Variants in MGAT4D observed in about 807,000 individuals in gnomAD.
MGAT4D encodes MGAT4 family member D, also known as alpha-1,3-mannosyl-glycoprotein 4-beta-N-acetylglucosaminyltransferase-like protein MGAT4D.
A neutral mutation model predicts 15.9 loss-of-function variants in MGAT4D; 34 were observed. The ratio of observed to expected loss-of-function variants is 2.14; its 90% CI spans 1.62 to 2.84. The LOEUF (loss-of-function observed/expected upper bound fraction) is 2.84. Among genes scored for constraint, MGAT4D ranks in the 30% most tolerant of loss-of-function variants. The pLI, the probability that MGAT4D is intolerant of heterozygous loss-of-function variation, is 0.00. For synonymous variants in MGAT4D, 112 were observed against 48.2 expected, an observed-to-expected ratio of 2.33 and a Z score of -5.49; for missense variants, 327 against 140.2, an observed-to-expected ratio of 2.33 and a Z score of -6.73.
chr4:140,483,659 TA>T (rs1204621021), intron 1 of MGAT4D, among the ~76,000 whole-genome samples: 4 of 152,020 alleles, frequency 2.6e-5, no homozygotes, highest in African/African-American at 7.2e-5. Context: ...ACTGGCATAA[TA>T]ACAGACACAT....
rs1394348575 is a variant in MGAT4D at position 140,443,438 on chromosome 4, A to G, written c.1123T>C (p.Ter375ArgextTer2). Reference sequence around the variant, plus strand: ...ACAGAGTTTCTTCTTATTTATCTTCATATTTTCTGAAATGAAAACAAAAAA... The same window carrying G: ...ACAGAGTTTCTTCTTATTTATCTTCGTATTTTCTGAAATGAAAACAAAAAA... ...PRKEQYEKKI[*>R] Residue 375 changes from the stop codon to arginine, a stop_lost, in exon 11 of 11, where the codon TGA becomes CGA. Coordinates refer to ENST00000511113, the MANE Select transcript of MGAT4D (RefSeq NM_001277353.2). The G allele has an allele frequency of 3.7e-6, 2 of 547,656 alleles. No homozygotes were observed. Among genetic ancestry groups the G allele is most frequent in the East Asian group, 6.9e-5 (2 of 28,986 alleles). The allele number at this position is 547,656 out of a possible 1,614,324, so 33.9% of individuals were successfully genotyped here.
Position 140,459,629 on chromosome 4 carries a change from G to GAAA in MGAT4D, c.763-6_763-4dup. ...TTAGCTATGATATCATCTTCTAGCTGAAAAAAAAAACCCAAAAAGACATTA... is the reference window on the plus strand; with the variant it reads ...TTAGCTATGATATCATCTTCTAGCTGAAAAAAAAAAAAACCCAAAAAGACATTA... On this transcript the variant is annotated splice_region_variant and splice_polypyrimidine_tract_variant and intron_variant, in intron 7 of 10. Transcript: ENST00000511113. 1 of 396,366 alleles carries GAAA rather than the reference G, an allele frequency of 2.5e-6. No individual in the cohort carries two copies. The highest frequency in any genetic ancestry group is 4.5e-6 in the Non-Finnish European group (1 of 222,166). The allele number at this position is 396,366 out of a possible 1,614,324, so 24.6% of individuals were successfully genotyped here. A position where few individuals can be genotyped will look rare whatever the true frequency, so the allele number is the denominator to read the frequency against.
At position 140,443,449 on chromosome 4, in the gene MGAT4D, A is replaced by T. The variant is rs768555994; in HGVS notation, c.1117-5T>A. The T allele has an allele frequency of 1.8e-6, 1 of 544,180 alleles. No individual in the cohort carries two copies. Among genetic ancestry groups the T allele is most frequent in the South Asian group, 2.2e-5 (1 of 45,298 alleles). 33.7% of individuals were successfully genotyped at this position (544,180 alleles called of 1,614,324 possible). A position where few individuals can be genotyped will look rare whatever the true frequency, so the allele number is the denominator to read the frequency against. On this transcript the variant is annotated splice_region_variant and splice_polypyrimidine_tract_variant and intron_variant, in intron 10 of 10. Coordinates refer to ENST00000511113, the MANE Select transcript of MGAT4D (RefSeq NM_001277353.2). ...TCTTATTTATCTTCATATTTTCTGA[A>T]ATGAAAACAAAAAATGTAACATCTA...
At chr4:140,481,319 T>C (rs1732714509) in intron 2 of MGAT4D, among the ~76,000 whole-genome samples, 1 of 152,062 alleles carries the variant, frequency 6.6e-6, no homozygotes, top group Non-Finnish European at 1.5e-5. Flanking sequence ...AAAATGGCTA[T>C]AATAAACTGG....
At chr4:140,496,319 C>A (rs1733831698) in intron 1 of MGAT4D, among the ~76,000 whole-genome samples, 1 of 152,152 alleles carries the variant, frequency 6.6e-6, no homozygotes, top group African/African-American at 2.4e-5. Context: ...ATGAAAAAAT[C>A]TGATTTGTCT....
Position 140,442,955 on chromosome 4 carries a change from G to A in MGAT4D, c.*481C>T, listed in dbSNP as rs764309673. 1 of 152,156 alleles carries A rather than the reference G, an allele frequency of 6.6e-6. No individual in the cohort carries two copies. Among genetic ancestry groups the A allele is most frequent in the Non-Finnish European group, 1.5e-5 (1 of 68,002 alleles). The allele number at this position is 152,156 out of a possible 1,614,324, so 9.4% of individuals were successfully genotyped here. A position where few individuals can be genotyped will look rare whatever the true frequency, so the allele number is the denominator to read the frequency against. On this transcript the variant is annotated 3_prime_UTR_variant, in exon 11 of 11. Transcript: ENST00000511113. ...CGGTTCAAATGGCACATAGGGATAA[G>A]TTTATAGTTTTAAATGCATCTATTA... is the stretch of plus-strand genomic sequence containing the variant.
chr4:140,484,173 A>C (rs556949313), intron 1 of MGAT4D, among the ~76,000 whole-genome samples: 1 of 152,224 alleles, frequency 6.6e-6, no homozygotes, highest in Non-Finnish European at 1.5e-5. Flanking sequence ...AAAAGAGGTT[A>C]ATATCTAAAA....
At chr4:140,487,545 T>A (rs536382877) in intron 1 of MGAT4D, among the ~76,000 whole-genome samples, 4 of 152,222 alleles carry the variant, frequency 2.6e-5, no homozygotes, top group Non-Finnish European at 5.9e-5. Flanking sequence ...CAATATATTT[T>A]ATTTAATACA....
chr4:140,450,469 C>A (rs1185736792), intron 10 of MGAT4D, among the ~76,000 whole-genome samples: 1 of 152,164 alleles, frequency 6.6e-6, no homozygotes, highest in African/African-American at 2.4e-5. Context: ...TTCATTATTC[C>A]AGGCACATAT....
chr4:140,453,576 T>C (rs1219223110), intron 9 of MGAT4D, among the ~76,000 whole-genome samples: 8 of 152,146 alleles, frequency 5.3e-5, no homozygotes, highest in Non-Finnish European at 8.8e-5. Flanking sequence ...CCAAATTTCA[T>C]GTCAAATTGT....
At chr4:140,466,614 A>G (rs1486356673) in intron 5 of MGAT4D, among the ~76,000 whole-genome samples, 1 of 152,182 alleles carries the variant, frequency 6.6e-6, no homozygotes, top group African/African-American at 2.4e-5. Flanking sequence ...TTAGCTTAAC[A>G]ATATTTTTCA....
intron 6 of MGAT4D, among the ~76,000 whole-genome samples, chr4:140,462,206 T>C (rs753369054): frequency 1.3e-5 from 2 of 152,212 alleles, no homozygotes; most frequent in African/African-American, 4.8e-5. Context: ...CAATGAACAG[T>C]GTCTACCATT....
chr4:140,463,240 G>T (rs1731311825), intron 6 of MGAT4D, among the ~76,000 whole-genome samples: 1 of 152,158 alleles, frequency 6.6e-6, no homozygotes, highest in Admixed American at 6.5e-5. Flanking sequence ...GAGTTCTTTG[G>T]GGAAGGGAAG....
intron 1 of MGAT4D, among the ~76,000 whole-genome samples, chr4:140,487,412 G>A (rs1733214762): frequency 6.6e-6 from 1 of 152,126 alleles, no homozygotes; most frequent in Non-Finnish European, 1.5e-5. Context: ...TCACAGCAAG[G>A]CTCCAAGGCA....
intron 2 of MGAT4D, among the ~76,000 whole-genome samples, chr4:140,481,393 G>C (rs1732721145): frequency 6.6e-6 from 1 of 152,196 alleles, no homozygotes; most frequent in African/African-American, 2.4e-5. Context: ...CTGGAAAACA[G>C]TATGGCAGTT....
At chr4:140,481,580 A>T (rs188209216) in intron 2 of MGAT4D, among the ~76,000 whole-genome samples, 46 of 152,328 alleles carry the variant, frequency 3.0e-4, no homozygotes, top group African/African-American at 1.1e-3. Flanking sequence ...AACTGGTGAG[A>T]GGATAAACAA....
At chr4:140,472,667 G>A (rs1015703270) in intron 4 of MGAT4D, among the ~76,000 whole-genome samples, 3 of 152,006 alleles carry the variant, frequency 2.0e-5, no homozygotes, top group African/African-American at 4.8e-5. Flanking sequence ...TTTTAAACAC[G>A]GCGTCAAAGT....
intron 2 of MGAT4D, among the ~76,000 whole-genome samples, chr4:140,481,161 C>T (rs1275023376): frequency 6.6e-6 from 1 of 151,498 alleles, no homozygotes; most frequent in Non-Finnish European, 1.5e-5. Flanking sequence ...TAAAATTAGC[C>T]AGGTGTGGTA....
intron 5 of MGAT4D, among the ~76,000 whole-genome samples, chr4:140,469,327 C>T (rs895207476): frequency 3.9e-5 from 6 of 152,142 alleles, no homozygotes; most frequent in Non-Finnish European, 8.8e-5. Flanking sequence ...TATCATTTCG[C>T]CCTTACATTC....
Sources: allele counts gnomAD v4.1 joint callset (sites outside exome capture counted in the v4.1 genomes callset), GRCh38; gene constraint gnomAD v4.1.1; transcripts MANE v1.5; gene names NCBI Gene and HGNC (gene_info 2026-07-23, HGNC 2026-07-21).